Variants in SLC44A1 observed in about 807,000 individuals in gnomAD.
SLC44A1 encodes the protein solute carrier family 44 member 1.
Under a neutral mutation model 79.3 loss-of-function variants are expected in SLC44A1, and 26 were observed. The ratio of observed to expected loss-of-function variants is 0.33; its 90% confidence interval spans 0.24 to 0.46. SLC44A1 has a LOEUF of 0.46. Ranked by LOEUF, SLC44A1 falls within the 20% of genes least tolerant of loss-of-function variation. The pLI, the probability that SLC44A1 is intolerant of heterozygous loss-of-function variation, is 1.00. For missense variants in SLC44A1, 688 were observed against 798.1 expected (o/e 0.86, Z 1.66); for synonymous variants, 263 against 286.2 (o/e 0.92, Z 0.82).
At chr9:105,352,232 T>C (rs942391272) in intron 5 of SLC44A1, among the ~76,000 whole-genome samples, 1 of 152,248 alleles carries the variant, frequency 6.6e-6, no homozygotes. Flanking sequence ...AATACTTTAT[T>C]GTTATACTTA....
chr9:105,317,843 G>C (rs757880961), intron 3 of SLC44A1, among the ~76,000 whole-genome samples: 3 of 152,150 alleles, frequency 2.0e-5, no homozygotes, highest in Non-Finnish European at 4.4e-5. Context: ...CCTACCTGTT[G>C]TCAAGGTATT....
intron 15 of SLC44A1, among the ~76,000 whole-genome samples, chr9:105,431,367 C>T (rs1367791958): frequency 6.6e-6 from 1 of 152,194 alleles, no homozygotes; most frequent in Admixed American, 6.5e-5. Context: ...GATATCGTGT[C>T]AATGTCCAAA....
intron 1 of SLC44A1, among the ~76,000 whole-genome samples, chr9:105,297,603 G>A (rs1483551212): frequency 6.6e-6 from 1 of 152,078 alleles, no homozygotes; most frequent in African/African-American, 2.4e-5. Context: ...GACTGGTCTC[G>A]AGCTCCCGAC....
intron 13 of SLC44A1, among the ~76,000 whole-genome samples, chr9:105,382,780 TAA>T (rs990847630): frequency 5.3e-5 from 8 of 152,280 alleles, no homozygotes; most frequent in African/African-American, 1.4e-4. Flanking sequence ...TTCTGAGTGC[TAA>T]GAGTTTGTAA....
chr9:105,376,314 TACACACACACAC>T (rs33933201), intron 13 of SLC44A1, among the ~76,000 whole-genome samples: 33 of 139,174 alleles, frequency 2.4e-4, no homozygotes, highest in African/African-American at 5.0e-4. Context: ...TATATATGTA[TACACACACACAC>T]ACACACACAC....
At chr9:105,422,423 G>C (rs1424690868) in intron 15 of SLC44A1, among the ~76,000 whole-genome samples, 3 of 151,624 alleles carry the variant, frequency 2.0e-5, no homozygotes, top group Non-Finnish European at 4.4e-5. Context: ...TGAGTAGCTG[G>C]AACTACAGGC....
chr9:105,389,612 C>T lies in SLC44A1; in HGVS notation c.*556C>T, dbSNP rs1015136257. Reference sequence around the variant, plus strand: ...ATGTCATTTTACTTTTAGAAACATACAATTGGGCCCAATATGGGAATTTTC... The same window carrying T: ...ATGTCATTTTACTTTTAGAAACATATAATTGGGCCCAATATGGGAATTTTC... On this transcript the variant is annotated 3_prime_UTR_variant, in exon 16 of 16. Transcript: ENST00000374720. The T allele has an allele frequency of 5.9e-6, 7 of 1,176,648 alleles. No individual in the cohort carries two copies. In the African/African-American group the frequency reaches 9.5e-5, roughly 16 times the overall value. The allele number at this position is 1,176,648 out of a possible 1,614,324, so 72.9% of individuals were successfully genotyped here. A position where few individuals can be genotyped will look rare whatever the true frequency, so the allele number is the denominator to read the frequency against.
chr9:105,387,060 A>AAAAAAAAAAAAAAT (rs34780893), intron 15 of SLC44A1, among the ~76,000 whole-genome samples: 3 of 7,730 alleles, frequency 3.9e-4, no homozygotes, highest in Non-Finnish European at 4.7e-4. Context: ...AAAAAAAAAA[A>AAAAAAAAAAAAAAT]ATATATATAT....
In SLC44A1 at chr9:105,393,068, G is replaced by A. The variant is rs907090137; in HGVS notation, c.*4012G>A. On this transcript the variant is annotated 3_prime_UTR_variant, in exon 16 of 16. Transcript: ENST00000374720. Reference sequence around the variant, plus strand: ...CATACATTCCATCTGACACATACGAGTGCACTATAATGGCTTGCCTAGAAC... The same window carrying A: ...CATACATTCCATCTGACACATACGAATGCACTATAATGGCTTGCCTAGAAC... 1.3e-5 allele frequency: 13 copies of A among 985,348 alleles called. No homozygotes were observed. The highest frequency in any genetic ancestry group is 1.6e-5 in the Non-Finnish European group (13 of 829,852). The allele number at this position is 985,348 out of a possible 1,614,324, so 61.0% of individuals were successfully genotyped here.
intron 8 of SLC44A1, among the ~76,000 whole-genome samples, chr9:105,361,984 T>A (rs1396166856): frequency 6.6e-6 from 1 of 152,174 alleles, no homozygotes; most frequent in Admixed American, 6.5e-5. Flanking sequence ...CATGATTGTG[T>A]CACTGCATTA....
intron 1 of SLC44A1, among the ~76,000 whole-genome samples, chr9:105,261,367 A>G (rs1829834899): frequency 6.6e-6 from 1 of 152,128 alleles, no homozygotes. Flanking sequence ...TGGCCCACAG[A>G]GCATAATGAA....
intron 6 of SLC44A1, 28 bp from the exon 7 acceptor site, chr9:105,358,316 T>G (rs1477131153): frequency 8.2e-7 from 1 of 1,216,682 alleles, no homozygotes; most frequent in East Asian, 2.3e-5. Context: ...TCAAATAATA[T>G]TCTATATGTT....
intron 1 of SLC44A1, among the ~76,000 whole-genome samples, chr9:105,245,757 T>G (rs1448672513): frequency 6.6e-6 from 1 of 152,204 alleles, no homozygotes; most frequent in Non-Finnish European, 1.5e-5. Context: ...TCTCTCAGCT[T>G]CTACCCTGCC....
chr9:105,362,519 C>G (rs1348408460), intron 8 of SLC44A1, among the ~76,000 whole-genome samples: 1 of 152,000 alleles, frequency 6.6e-6, no homozygotes, highest in Non-Finnish European at 1.5e-5. Context: ...TAAAGAGTCT[C>G]ATCCTGACTG....
At chr9:105,262,335 A>C (rs1317752285) in intron 1 of SLC44A1, among the ~76,000 whole-genome samples, 1 of 152,216 alleles carries the variant, frequency 6.6e-6, no homozygotes, top group African/African-American at 2.4e-5. Context: ...AGAGTGAAAA[A>C]AATACTGTCC....
chr9:105,431,889 G>T (rs1195228789), intron 15 of SLC44A1, among the ~76,000 whole-genome samples: 1 of 152,164 alleles, frequency 6.6e-6, no homozygotes, highest in African/African-American at 2.4e-5. Context: ...CAGCAAAGTT[G>T]CCAAAGACAG....
intron 4 of SLC44A1, among the ~76,000 whole-genome samples, chr9:105,341,965 T>C (rs990584585): frequency 2.0e-5 from 3 of 152,220 alleles, no homozygotes; most frequent in African/African-American, 7.2e-5. Context: ...ACTTATGCCC[T>C]ACAGAGAAAA....
chr9:105,304,268 C>T (rs1342175088), intron 2 of SLC44A1, among the ~76,000 whole-genome samples: 1 of 152,094 alleles, frequency 6.6e-6, no homozygotes, highest in Non-Finnish European at 1.5e-5. Flanking sequence ...AGATTCACTG[C>T]AGTATTTAGA....
At chr9:105,270,185 A>G (rs1830047131) in intron 1 of SLC44A1, among the ~76,000 whole-genome samples, 1 of 152,168 alleles carries the variant, frequency 6.6e-6, no homozygotes, top group African/African-American at 2.4e-5. Context: ...TGTTTCGTGC[A>G]TGATCATCCT....
Sources: allele counts gnomAD v4.1 joint callset (sites outside exome capture counted in the v4.1 genomes callset), GRCh38; gene constraint gnomAD v4.1.1; transcripts MANE v1.5; gene names NCBI Gene and HGNC (gene_info 2026-07-23, HGNC 2026-07-21).